The following UNC5C variants were observed in gnomAD, a reference collection of about 807,000 sequenced individuals.
UNC5C encodes unc-5 netrin receptor C.
Under a neutral mutation model 99.8 loss-of-function variants are expected in UNC5C, and 47 were observed. That is an observed-to-expected ratio of 0.47 (90% confidence interval 0.37 to 0.60). The LOEUF (loss-of-function observed/expected upper bound fraction) is 0.60. UNC5C is among the 20% of genes least tolerant of loss of function. The pLI is 0.00. For missense variants in UNC5C, 1,062 were observed against 1,165.9 expected (o/e 0.91, Z 1.30); for synonymous variants, 487 against 452.2 (o/e 1.08, Z -0.98).
chr4:95,470,761 T>A (rs1253974975), intron 1 of UNC5C, among the ~76,000 whole-genome samples: 1 of 152,158 alleles, frequency 6.6e-6, no homozygotes, highest in African/African-American at 2.4e-5. Context: ...TTGATAAATA[T>A]TTTTAAACGA....
chr4:95,314,595 G>A (rs1742401424), intron 2 of UNC5C, among the ~76,000 whole-genome samples: 1 of 152,276 alleles, frequency 6.6e-6, no homozygotes, highest in East Asian at 1.9e-4. Context: ...ATTTTGGACA[G>A]AATAAGCTAA....
At position 95,162,506 on chromosome 4, in the gene UNC5C, T is replaced by C. The variant is rs1191134129; in HGVS notation, c.*6728A>G. Reference sequence around the variant, plus strand: ...TTATTAAGTGAAGGAGGCAGCACTTTGTTGCTTATAAATATAATTTATTAC... The same window carrying C: ...TTATTAAGTGAAGGAGGCAGCACTTCGTTGCTTATAAATATAATTTATTAC... On this transcript the variant is annotated 3_prime_UTR_variant, in exon 16 of 16. Coordinates refer to ENST00000453304, the MANE Select transcript of UNC5C (RefSeq NM_003728.4). 1 of 152,186 alleles carries C rather than the reference T, an allele frequency of 6.6e-6. No homozygotes were observed. Among genetic ancestry groups the C allele is most frequent in the African/African-American group, 2.4e-5 (1 of 41,438 alleles). 9.4% of individuals were successfully genotyped at this position (152,186 alleles called of 1,614,324 possible).
chr4:95,178,250 T>C (rs1736451713), intron 14 of UNC5C, among the ~76,000 whole-genome samples: 1 of 152,330 alleles, frequency 6.6e-6, no homozygotes, highest in Admixed American at 6.5e-5. Flanking sequence ...CTAATAGTTA[T>C]TCTGCTCTTT....
chr4:95,445,990 C>CA (rs906718753), intron 1 of UNC5C, among the ~76,000 whole-genome samples: 82 of 151,204 alleles, frequency 5.4e-4, no homozygotes, highest in South Asian at 1.9e-3. Flanking sequence ...AACAAACAAA[C>CA]AAAAAAAACA....
intron 1 of UNC5C, among the ~76,000 whole-genome samples, chr4:95,460,844 C>T (rs1434066989): frequency 6.6e-6 from 1 of 152,122 alleles, no homozygotes; most frequent in Non-Finnish European, 1.5e-5. Flanking sequence ...CCTGGGTCCA[C>T]CCACTATTAC....
At chr4:95,468,030 A>G (rs1422464286) in intron 1 of UNC5C, among the ~76,000 whole-genome samples, 1 of 151,886 alleles carries the variant, frequency 6.6e-6, no homozygotes, top group Non-Finnish European at 1.5e-5. Flanking sequence ...GTAGTCTCTC[A>G]AGGGTGGTGG....
At chr4:95,374,229 C>T (rs1222299617) in intron 1 of UNC5C, among the ~76,000 whole-genome samples, 4 of 152,124 alleles carry the variant, frequency 2.6e-5, no homozygotes, top group Admixed American at 6.6e-5. Flanking sequence ...GAGGTTTGCA[C>T]ACCATATGCC....
At chr4:95,311,904 A>G (rs1050117558) in intron 2 of UNC5C, among the ~76,000 whole-genome samples, 6 of 152,086 alleles carry the variant, frequency 3.9e-5, no homozygotes, top group Non-Finnish European at 8.8e-5. Context: ...AAAATTAGCT[A>G]GGCACGGTGG....
At chr4:95,377,093 C>G (rs575152720) in intron 1 of UNC5C, among the ~76,000 whole-genome samples, 1 of 152,158 alleles carries the variant, frequency 6.6e-6, no homozygotes, top group Non-Finnish European at 1.5e-5. Flanking sequence ...TTGATTTTTA[C>G]TTTGGAATGT....
At position 95,182,985 on chromosome 4, in the gene UNC5C, A is replaced by G. The variant is rs756203732; in HGVS notation, c.2363T>C (p.Leu788Pro). ...HCTFTLERFS[L>P]NTVELVCKLC... ...TTTGCAAACCAGCTCCACTGTGTTC[A>G]GGCTAAATCTTTCCAGAGTGAAGGT... Residue 788 changes from leucine (L) to proline (P), a missense_variant, in exon 14 of 16, where the codon CTG (leucine) becomes CCG (proline). This residue lies in a region of UNC5C where 810 missense variants were observed against 854.5 expected (regional missense o/e 0.95). Coordinates refer to ENST00000453304, the MANE Select transcript of UNC5C (RefSeq NM_003728.4). 6 of 1,613,654 alleles carry G rather than the reference A, an allele frequency of 3.7e-6. No individual in the cohort carries two copies. The highest frequency in any genetic ancestry group is 5.1e-6 in the Non-Finnish European group (6 of 1,179,718).
chr4:95,249,728 G>T (rs1222950996), intron 5 of UNC5C, among the ~76,000 whole-genome samples: 1 of 152,156 alleles, frequency 6.6e-6, no homozygotes, highest in Non-Finnish European at 1.5e-5. Flanking sequence ...AGATGAGCTG[G>T]CTTAGAAAGG....
rs755599964 is a variant in UNC5C at position 95,184,830 on chromosome 4, CAAT to C, written c.2286+214_2286+216del. ...AGCCTTTCATTTATTAAAAATAAAA[CAAT>C]GATAGTACATTTATTTAAAGGAAGA... On this transcript the variant is annotated intron_variant, in intron 13 of 15. Coordinates refer to ENST00000453304, the MANE Select transcript of UNC5C (RefSeq NM_003728.4). Among the ~76,000 whole-genome samples, 176 of 152,154 alleles carry C rather than the reference CAAT, an allele frequency of 1.2e-3. 1 individual carries two copies. Among genetic ancestry groups the C allele is most frequent in the Middle Eastern group, 3.4e-3 (1 of 294 alleles).
intron 1 of UNC5C, among the ~76,000 whole-genome samples, chr4:95,443,185 T>C (rs1023170309): frequency 6.6e-6 from 1 of 152,150 alleles, no homozygotes; most frequent in African/African-American, 2.4e-5. Context: ...GCAGGTTGGA[T>C]AGTCTAAACA....
At chr4:95,377,066 G>A (rs994824104) in intron 1 of UNC5C, among the ~76,000 whole-genome samples, 3 of 152,050 alleles carry the variant, frequency 2.0e-5, no homozygotes, top group African/African-American at 7.2e-5. Flanking sequence ...TAGTAGCCAG[G>A]GAACATAATC....
intron 3 of UNC5C, 146 bp from the exon 4 acceptor site, chr4:95,278,508 T>C: frequency 3.1e-6 from 2 of 642,172 alleles, no homozygotes; most frequent in Non-Finnish European, 5.4e-6. Context: ...AGGGTCTCAC[T>C]CTGTGTCCCA....
At chr4:95,319,055 C>T (rs544126779) in intron 2 of UNC5C, among the ~76,000 whole-genome samples, 70 of 152,188 alleles carry the variant, frequency 4.6e-4, no homozygotes, top group Non-Finnish European at 8.7e-4. Flanking sequence ...CTACTTACAG[C>T]ACCAAGTAAA....
intron 3 of UNC5C, among the ~76,000 whole-genome samples, chr4:95,279,643 TAA>T (rs1467162824): frequency 1.3e-5 from 2 of 152,204 alleles, no homozygotes; most frequent in African/African-American, 4.8e-5. Flanking sequence ...TTCCTTCCAT[TAA>T]AGAGTTATTA....
intron 1 of UNC5C, among the ~76,000 whole-genome samples, chr4:95,462,179 C>A (rs535702092): frequency 9.2e-5 from 14 of 152,082 alleles, no homozygotes; most frequent in African/African-American, 3.4e-4. Flanking sequence ...CACTTTCCCC[C>A]CCTTTCTCTT....
intron 1 of UNC5C, among the ~76,000 whole-genome samples, chr4:95,339,797 T>G (rs903323392): frequency 6.6e-6 from 1 of 152,156 alleles, no homozygotes; most frequent in Non-Finnish European, 1.5e-5. Flanking sequence ...GAAACACGTT[T>G]TGTACATGTA....
Sources: allele counts gnomAD v4.1 joint callset (sites outside exome capture counted in the v4.1 genomes callset), GRCh38; gene constraint gnomAD v4.1.1; regional missense constraint gnomAD v4.1.1; transcripts MANE v1.5; gene names NCBI Gene and HGNC (gene_info 2026-07-23, HGNC 2026-07-21).